The following ASH2L variants were observed in gnomAD, a reference collection of about 807,000 sequenced individuals.
The protein encoded by ASH2L is ASH2 like, histone lysine methyltransferase complex subunit, also known as set1/Ash2 histone methyltransferase complex subunit ASH2.
In ASH2L, 30 loss-of-function variants were observed where a neutral mutation model predicts 81.1. The ratio of observed to expected loss-of-function variants is 0.37; its 90% CI spans 0.28 to 0.50. The LOEUF is 0.50. Ranked by LOEUF, ASH2L falls within the 20% of genes least tolerant of loss-of-function variation. The probability of loss-of-function intolerance (pLI) is 0.95; values close to 1 mark genes in which losing one functional copy is unlikely to be tolerated. For missense variants in ASH2L, 559 were observed against 792.1 expected (o/e 0.71, Z 3.53); for synonymous variants, 273 against 279.9 (o/e 0.98, Z 0.24).
chr8:38,108,660 A>C (rs1228113419), intron 3 of ASH2L, among the ~76,000 whole-genome samples: 1 of 152,120 alleles, frequency 6.6e-6, no homozygotes, highest in African/African-American at 2.4e-5. Context: ...ACCAGAAAAA[A>C]AAATACAAAA....
At chr8:38,119,139 T>C (rs1811029844) in intron 8 of ASH2L, 131 bp from the exon 9 acceptor site, 1 of 774,750 alleles carries the variant, frequency 1.3e-6, no homozygotes. Context: ...AAATCCAATA[T>C]GCCTTTGGAA....
rs570759761 is a variant in ASH2L at position 38,121,918 on chromosome 8, CT to C, written c.1165+771del. On this transcript the variant is annotated intron_variant, in intron 10 of 15. Coordinates refer to ENST00000343823, the MANE Select transcript of ASH2L (RefSeq NM_004674.5). ...TCTTTCCCTTATACTTAACAAATGT[CT>C]TAGGCAAAAATACATCGAGTCTATC... Among the ~76,000 whole-genome samples, 9 of 152,272 alleles carry C rather than the reference CT, an allele frequency of 5.9e-5. No individual in the cohort carries two copies. The East Asian group carries it at 1.7e-3, about 29-fold the overall frequency.
At chr8:38,128,733 C>A (rs751840515) in intron 11 of ASH2L, 25 bp from the exon 12 acceptor site, 1 of 1,595,836 alleles carries the variant, frequency 6.3e-7, no homozygotes, top group South Asian at 1.2e-5. Flanking sequence ...CTTCTGACTT[C>A]CTGTGTATGT....
At chr8:38,136,306 G>A (rs964717003) in intron 14 of ASH2L, among the ~76,000 whole-genome samples, 2 of 150,854 alleles carry the variant, frequency 1.3e-5, no homozygotes, top group Non-Finnish European at 2.9e-5. Flanking sequence ...ATGGGCTCAA[G>A]CAGTTCTCCC....
At chr8:38,123,736 T>TC (rs1801722829) in intron 10 of ASH2L, among the ~76,000 whole-genome samples, 1 of 152,178 alleles carries the variant, frequency 6.6e-6, no homozygotes, top group Non-Finnish European at 1.5e-5. Context: ...CTCTCTTTTT[T>TC]CCACCATCTT....
chr8:38,109,075 G>A (rs1810575637), intron 3 of ASH2L, among the ~76,000 whole-genome samples: 2 of 152,100 alleles, frequency 1.3e-5, no homozygotes, highest in Non-Finnish European at 2.9e-5. Context: ...GTGATACCCT[G>A]TCTCAAAAAA....
intron 5 of ASH2L, among the ~76,000 whole-genome samples, chr8:38,113,292 G>A (rs986786738): frequency 1.5e-4 from 23 of 152,014 alleles, no homozygotes; most frequent in Admixed American, 1.5e-3. Context: ...TTTCATTTCT[G>A]ACCCTCAGGT....
intron 12 of ASH2L, among the ~76,000 whole-genome samples, chr8:38,132,663 G>C (rs183458947): frequency 1.5e-4 from 23 of 151,954 alleles, no homozygotes; most frequent in Non-Finnish European, 3.1e-4. Flanking sequence ...ACCGGGTGTG[G>C]TGGCACATGC....
chr8:38,109,504 T>C (rs1337989814), intron 3 of ASH2L, among the ~76,000 whole-genome samples: 1 of 152,260 alleles, frequency 6.6e-6, no homozygotes, highest in Non-Finnish European at 1.5e-5. Flanking sequence ...CTTTGCCCTT[T>C]GCAAGACTAA....
chr8:38,138,284 A>C (rs1259504122), intron 14 of ASH2L: 1 of 154,114 alleles, frequency 6.5e-6, no homozygotes, highest in Non-Finnish European at 1.4e-5. Flanking sequence ...TGTCTCAAAA[A>C]AAATAAAAAG....
At chr8:38,116,846 T>C in intron 8 of ASH2L, 121 bp downstream of exon 8, 1 of 802,314 alleles carries the variant, frequency 1.2e-6, no homozygotes, top group Non-Finnish European at 1.9e-6. Flanking sequence ...GCTTTTATAG[T>C]TCAAACTCAA....
At chr8:38,112,706 A>G (rs1035308415) in intron 5 of ASH2L, among the ~76,000 whole-genome samples, 1 of 152,180 alleles carries the variant, frequency 6.6e-6, no homozygotes, top group Admixed American at 6.5e-5. Context: ...GAGCATTTTT[A>G]TCTTTGTGCT....
intron 5 of ASH2L, among the ~76,000 whole-genome samples, chr8:38,112,229 G>C (rs1336950007): frequency 1.3e-5 from 2 of 152,106 alleles, no homozygotes; most frequent in Non-Finnish European, 2.9e-5. Flanking sequence ...GACCTCCTGG[G>C]TTCAAGTGAT....
intron 10 of ASH2L, among the ~76,000 whole-genome samples, chr8:38,126,501 A>T (rs1465199854): frequency 6.6e-6 from 1 of 152,196 alleles, no homozygotes; most frequent in Non-Finnish European, 1.5e-5. Context: ...ATTATACATG[A>T]TGTGAACATT....
chr8:38,128,877 G>T lies in ASH2L; in HGVS notation c.1453G>T (p.Val485Phe). The change falls in exon 12 of 16, where the codon GTC (valine) becomes TTC (phenylalanine). Residue 485 changes from valine to phenylalanine, a missense_variant. Coordinates refer to ENST00000343823, the MANE Select transcript of ASH2L (RefSeq NM_004674.5). ...CTCTTCTGGCTATGGACAGGGAGACGTCCTGGGATTTTATATTAATCTTCC... is the reference window on the plus strand; with the variant it reads ...CTCTTCTGGCTATGGACAGGGAGACTTCCTGGGATTTTATATTAATCTTCC... ...HYSSGYGQGD[V>F]LGFYINLPED... 6.2e-7 allele frequency: 1 copy of T among 1,614,098 alleles called. No homozygotes were observed. The highest frequency in any genetic ancestry group is 8.5e-7 in the Non-Finnish European group (1 of 1,180,010).
chr8:38,119,195 G>T, intron 8 of ASH2L, 75 bp from the exon 9 acceptor site: 1 of 1,322,644 alleles, frequency 7.6e-7, no homozygotes, highest in Non-Finnish European at 1.1e-6. Context: ...GGGTGTGTTG[G>T]TCCCTATGGA....
intron 10 of ASH2L, among the ~76,000 whole-genome samples, chr8:38,127,601 CTGGGCGTGGTGG>C (rs2130550654): frequency 6.6e-6 from 1 of 151,586 alleles, no homozygotes; most frequent in Non-Finnish European, 1.5e-5. Context: ...CGAAAATTAG[CTGGGCGTGGTGG>C]TGGGCGCCTG....
At chr8:38,116,773 T>C in intron 8 of ASH2L, 48 bp downstream of exon 8, 2 of 1,513,628 alleles carry the variant, frequency 1.3e-6, no homozygotes, top group Non-Finnish European at 1.8e-6. Flanking sequence ...AGCTATTGAA[T>C]CCAGTTGTGC....
At chr8:38,105,799 C>G in intron 1 of ASH2L, 61 bp downstream of exon 1, 1 of 1,487,460 alleles carries the variant, frequency 6.7e-7, no homozygotes, top group South Asian at 1.4e-5. Context: ...GCGAATCCCG[C>G]GGCTCCTGGA....
Sources: allele counts gnomAD v4.1 joint callset (sites outside exome capture counted in the v4.1 genomes callset), GRCh38; gene constraint gnomAD v4.1.1; transcripts MANE v1.5; gene names NCBI Gene and HGNC (gene_info 2026-07-23, HGNC 2026-07-21).